The following GPAT4 variants were observed in gnomAD, a reference collection of about 807,000 sequenced individuals.
GPAT4 encodes the protein glycerol-3-phosphate acyltransferase 4.
A neutral mutation model predicts 58.0 loss-of-function variants in GPAT4; 17 were observed. The ratio of observed to expected loss-of-function variants is 0.29; its 90% confidence interval spans 0.20 to 0.44. GPAT4 has a LOEUF of 0.44. Among genes scored for constraint, GPAT4 ranks in the 20% least tolerant of loss-of-function variants. The pLI is 1.00. For synonymous variants in GPAT4, 204 were observed against 210.1 expected, an observed-to-expected ratio of 0.97 and a Z score of 0.25; for missense variants, 377 against 574.5, an observed-to-expected ratio of 0.66 and a Z score of 3.51.
Position 41,610,716 on chromosome 8 carries a change from A to G in GPAT4, c.537-20A>G. 1.9e-6 allele frequency: 3 copies of G among 1,599,522 alleles called. No homozygotes were observed. The highest frequency in any genetic ancestry group is 1.7e-5 in the Admixed American group (1 of 57,776). On this transcript the variant is annotated intron_variant, in intron 4 of 12. Transcript: ENST00000396987. The stretch of plus-strand genomic sequence containing the variant: ...TAGAATGATTTGCTGGCTGTGCTCT[A>G]ACTTTTCTTCTTCTTACAGGATAGC...
Position 41,623,473 on chromosome 8 carries a change from C to G in GPAT4, c.*2472C>G, listed in dbSNP as rs544462527. On this transcript the variant is annotated 3_prime_UTR_variant, in exon 13 of 13. Transcript: ENST00000396987. ...AAAGTGCTGGTCAGCTGCTAACCCC[C>G]CTCCAAGCCTGCTGCACCTTCACTT... 1 of 152,280 alleles carries G rather than the reference C, an allele frequency of 6.6e-6. No homozygotes were observed. The highest frequency in any genetic ancestry group is 1.5e-5 in the Non-Finnish European group (1 of 68,076). The allele number at this position is 152,280 out of a possible 1,614,324, so 9.4% of individuals were successfully genotyped here. A position where few individuals can be genotyped will look rare whatever the true frequency, so the allele number is the denominator to read the frequency against.
At chr8:41,604,461 G>A (rs1468766141) in intron 2 of GPAT4, among the ~76,000 whole-genome samples, 1 of 152,234 alleles carries the variant, frequency 6.6e-6, no homozygotes, top group African/African-American at 2.4e-5. Context: ...TTTGTGTGCA[G>A]AGAGCAGCAT....
chr8:41,612,759 T>A, intron 7 of GPAT4, 86 bp from the exon 8 acceptor site: 1 of 1,231,180 alleles, frequency 8.1e-7, no homozygotes, highest in South Asian at 1.4e-5. Flanking sequence ...TTGGACTGCT[T>A]ATTTTGTGAG....
intron 2 of GPAT4, among the ~76,000 whole-genome samples, chr8:41,600,766 C>G (rs1405453022): frequency 6.6e-6 from 1 of 152,148 alleles, no homozygotes; most frequent in Non-Finnish European, 1.5e-5. Flanking sequence ...CCCATTCCTC[C>G]CTCCGCCAGC....
Position 41,598,982 on chromosome 8 carries a change from T to C in GPAT4, c.-158T>C. ...TTTCTGTCATTCTGTTCCCAGGCCT[T>C]CTATTCAGGCGGTTGAAGGGTGTGG... is the stretch of plus-strand genomic sequence containing the variant. On this transcript the variant is annotated 5_prime_UTR_variant, in exon 2 of 13. Coordinates refer to ENST00000396987, the MANE Select transcript of GPAT4 (RefSeq NM_178819.4). 2.1e-6 allele frequency: 2 copies of C among 948,180 alleles called. No individual in the cohort carries two copies. Among genetic ancestry groups the C allele is most frequent in the Non-Finnish European group, 1.6e-6 (1 of 644,264 alleles). The allele number at this position is 948,180 out of a possible 1,614,324, so 58.7% of individuals were successfully genotyped here.
intron 1 of GPAT4, chr8:41,584,953 G>C (rs879522787): frequency 1.3e-5 from 2 of 152,114 alleles, no homozygotes; most frequent in Non-Finnish European, 2.9e-5. Flanking sequence ...TTGGATCCTG[G>C]CTTTGTCTTG....
At chr8:41,599,644 C>G (rs1290765375) in intron 2 of GPAT4, among the ~76,000 whole-genome samples, 1 of 152,226 alleles carries the variant, frequency 6.6e-6, no homozygotes, top group Non-Finnish European at 1.5e-5. Context: ...CATATTCCCT[C>G]ACTGAGAAGC....
intron 12 of GPAT4, 73 bp downstream of exon 12, chr8:41,619,050 C>T: frequency 1.9e-6 from 3 of 1,539,442 alleles, no homozygotes; most frequent in Non-Finnish European, 2.7e-6. Flanking sequence ...ACTTACATGT[C>T]ATTCCCCGTG....
chr8:41,624,471 C>T lies in GPAT4; in HGVS notation c.*3470C>T, dbSNP rs1803853079. 6.6e-6 allele frequency: 1 copy of T among 152,158 alleles called. No individual in the cohort carries two copies. The highest frequency in any genetic ancestry group is 6.5e-5 in the Admixed American group (1 of 15,276). 9.4% of individuals were successfully genotyped at this position (152,158 alleles called of 1,614,324 possible). On this transcript the variant is annotated 3_prime_UTR_variant, in exon 13 of 13. Transcript: ENST00000396987. ...TTTCTGGGCTATTGCTTGCTAGTGT[C>T]CCCTGATGCATGAAGGATCCCCCCA...
intron 10 of GPAT4, chr8:41,618,389 C>T (rs1228917413): frequency 2.3e-6 from 1 of 426,056 alleles, no homozygotes; most frequent in Non-Finnish European, 4.3e-6. Flanking sequence ...ACTTTATATA[C>T]CTATGAGTAA....
Position 41,590,803 on chromosome 8 carries a change from A to G in GPAT4, c.-848-7489A>G, listed in dbSNP as rs191140024. On this transcript the variant is annotated intron_variant, in intron 1 of 12. Coordinates refer to ENST00000396987, the MANE Select transcript of GPAT4 (RefSeq NM_178819.4). ...TTGTCTTCAGAAATGTGTGAATGTC[A>G]TGGAGCCGTACAGAGGAACTGGGTC... Among the ~76,000 whole-genome samples the G allele has an allele frequency of 1.4e-4, 21 of 152,314 alleles. No homozygotes were observed. In the East Asian group the frequency reaches 3.7e-3, roughly 27 times the overall value.
At chr8:41,592,623 A>G (rs1336324417) in intron 1 of GPAT4, among the ~76,000 whole-genome samples, 1 of 152,164 alleles carries the variant, frequency 6.6e-6, no homozygotes, top group African/African-American at 2.4e-5. Context: ...TCCTCAACAT[A>G]CATAACATGA....
At chr8:41,592,882 T>G (rs1019726291) in intron 1 of GPAT4, among the ~76,000 whole-genome samples, 2 of 152,160 alleles carry the variant, frequency 1.3e-5, no homozygotes, top group African/African-American at 4.8e-5. Flanking sequence ...TATTACTAGC[T>G]CTAAGGAGTT....
At chr8:41,588,809 A>C (rs1487123866) in intron 1 of GPAT4, among the ~76,000 whole-genome samples, 1 of 152,234 alleles carries the variant, frequency 6.6e-6, no homozygotes, top group Non-Finnish European at 1.5e-5. Flanking sequence ...AGGTTAGCTT[A>C]GTGATGGGCT....
chr8:41,590,235 C>T (rs12677224), intron 1 of GPAT4, among the ~76,000 whole-genome samples: 67,467 of 151,772 alleles, frequency 0.44, 15,164 homozygotes, highest in Middle Eastern at 0.53. Context: ...TACAGGCATG[C>T]GCCATGATGC....
chr8:41,598,093 C>T (rs1802979482), intron 1 of GPAT4, among the ~76,000 whole-genome samples, 199 bp from the exon 2 acceptor site: 1 of 152,182 alleles, frequency 6.6e-6, no homozygotes, highest in Non-Finnish European at 1.5e-5. Context: ...ACTGTGAAAC[C>T]TCTATGTTTC....
chr8:41,582,244 T>C (rs1802535084), intron 1 of GPAT4, among the ~76,000 whole-genome samples: 1 of 151,778 alleles, frequency 6.6e-6, no homozygotes. Flanking sequence ...CCTCAGGTGA[T>C]CCACCCACCT....
intron 10 of GPAT4, among the ~76,000 whole-genome samples, chr8:41,618,165 A>C (rs1214122411): frequency 6.6e-6 from 1 of 152,214 alleles, no homozygotes; most frequent in Non-Finnish European, 1.5e-5. Context: ...GCTTTCTAAT[A>C]GTTTCCTCCC....
intron 1 of GPAT4, among the ~76,000 whole-genome samples, chr8:41,587,091 G>A (rs549852392): frequency 2.6e-5 from 4 of 152,320 alleles, no homozygotes; most frequent in Admixed American, 6.5e-5. Flanking sequence ...TCCTGATTCA[G>A]AATTACTGTG....
Sources: allele counts gnomAD v4.1 joint callset (sites outside exome capture counted in the v4.1 genomes callset), GRCh38; gene constraint gnomAD v4.1.1; transcripts MANE v1.5; gene names NCBI Gene and HGNC (gene_info 2026-07-23, HGNC 2026-07-21).